Variants in ABLIM1 observed in about 807,000 individuals in gnomAD.
ABLIM1 encodes the protein actin binding LIM protein 1.
A neutral mutation model predicts 107.0 loss-of-function variants in ABLIM1; 40 were observed. The observed-to-expected ratio is 0.37, with a 90% CI of 0.29 to 0.49. The LOEUF is 0.49. Ranked by LOEUF, ABLIM1 falls within the 20% of genes least tolerant of loss-of-function variation. ABLIM1 has a pLI of 0.97. For missense variants in ABLIM1, 857 were observed against 1,008.5 expected (o/e 0.85, Z 2.04); for synonymous variants, 357 against 357.3 (o/e 1.00, Z 0.01).
intron 6 of ABLIM1, among the ~76,000 whole-genome samples, chr10:114,538,159 A>G (rs1360690703): frequency 6.6e-6 from 1 of 152,230 alleles, no homozygotes; most frequent in Non-Finnish European, 1.5e-5. Flanking sequence ...TCACCTCAGA[A>G]ACATCATAAA....
At chr10:114,690,566 A>G in intron 1 of ABLIM1, 1 of 1,073,846 alleles carries the variant, frequency 9.3e-7, no homozygotes, top group Non-Finnish European at 1.5e-6. Flanking sequence ...ACTTGTCTGC[A>G]AACAGCTCAA....
intron 1 of ABLIM1, among the ~76,000 whole-genome samples, chr10:114,680,412 A>G (rs1437769253): frequency 5.3e-5 from 8 of 152,236 alleles, no homozygotes; most frequent in Non-Finnish European, 4.4e-5. Flanking sequence ...ATCATGCTCA[A>G]AAGGAGCATG....
In ABLIM1 at chr10:114,747,409, G is replaced by A. The variant is rs808317; in HGVS notation, c.-213+20652C>T. Among the ~76,000 whole-genome samples, 49 of 152,210 alleles carry A rather than the reference G, an allele frequency of 3.2e-4. 1 individual carries two copies. The South Asian group carries it at 9.7e-3, about 30-fold the overall frequency. The stretch of plus-strand genomic sequence containing the variant: ...ATCTGCTGTGTGTGCCTGTCTCTCC[G>A]CTCTGCTCTATGTGTATACGTGCCC... On this transcript the variant is annotated intron_variant, in intron 1 of 15. Transcript: ENST00000651092.
At chr10:114,465,625 A>G (rs747115825) in intron 12 of ABLIM1, 73 bp downstream of exon 12, 22 of 1,560,328 alleles carry the variant, frequency 1.4e-5, no homozygotes, top group Non-Finnish European at 1.7e-5. Flanking sequence ...TCAATGTGCT[A>G]TCAATAGTAG....
intron 1 of ABLIM1, among the ~76,000 whole-genome samples, chr10:114,692,391 A>G (rs1360217484): frequency 6.6e-6 from 1 of 152,250 alleles, no homozygotes; most frequent in Non-Finnish European, 1.5e-5. Flanking sequence ...TTGCGTCAGC[A>G]AAGGAAGATA....
At chr10:114,471,713 T>C (rs2066611070) in intron 10 of ABLIM1, among the ~76,000 whole-genome samples, 1 of 152,080 alleles carries the variant, frequency 6.6e-6, no homozygotes, top group Non-Finnish European at 1.5e-5. Context: ...AATAATATTA[T>C]ACATCTGGAA....
chr10:114,791,030 T>A, the ABLIM1 span, among the ~76,000 whole-genome samples: 2 of 151,950 alleles, frequency 1.3e-5, no homozygotes, highest in East Asian at 1.9e-4. Flanking sequence ...TTATCCTTTT[T>A]AAAAAAAAAT....
chr10:114,767,597 T>A (rs1456236802), intron 1 of ABLIM1, among the ~76,000 whole-genome samples: 2 of 146,772 alleles, frequency 1.4e-5, no homozygotes, highest in African/African-American at 5.0e-5. Context: ...CAGAGGGGAG[T>A]ACAGGTGGGG....
intron 1 of ABLIM1, among the ~76,000 whole-genome samples, chr10:114,623,022 C>T (rs372282586): frequency 2.9e-4 from 44 of 152,086 alleles, no homozygotes; most frequent in Admixed American, 5.9e-4. Flanking sequence ...GAGTGCATGG[C>T]GATCTCAGCT....
chr10:114,593,030 C>CAGGGAGAAGAGGTT (rs1555193910), intron 2 of ABLIM1, among the ~76,000 whole-genome samples: 1 of 24,760 alleles, frequency 4.0e-5, no homozygotes, highest in African/African-American at 1.8e-4. Context: ...TGAGGTCACT[C>CAGGGAGAAGAGGTT]TGAGTATGGG....
At chr10:114,700,643 A>G (rs2081290327) in intron 1 of ABLIM1, among the ~76,000 whole-genome samples, 1 of 152,140 alleles carries the variant, frequency 6.6e-6, no homozygotes, top group African/African-American at 2.4e-5. Flanking sequence ...ACACTTATAA[A>G]TGATTGACTG....
chr10:114,798,596 G>C, the ABLIM1 span, among the ~76,000 whole-genome samples: 427 of 142,068 alleles, frequency 3.0e-3, 1 homozygote, highest in African/African-American at 0.011. Flanking sequence ...AAAAAAATTA[G>C]CCAGGCATGG....
rs1390336876 is a variant in ABLIM1, at chr10:114,431,662, C to T, written c.*4598G>A. On this transcript the variant is annotated 3_prime_UTR_variant, in exon 23 of 23. Transcript: ENST00000533213. ...TCAAGGTCTACAGGATTGTCTCTGTCCACCTTTGGTCAATGGGTTCAGGAA... is the reference window on the plus strand; with the variant it reads ...TCAAGGTCTACAGGATTGTCTCTGTTCACCTTTGGTCAATGGGTTCAGGAA... 6.6e-6 allele frequency: 1 copy of T among 152,182 alleles called. No individual in the cohort carries two copies. Among genetic ancestry groups the T allele is most frequent in the Non-Finnish European group, 1.5e-5 (1 of 68,046 alleles). The allele number at this position is 152,182 out of a possible 1,614,324, so 9.4% of individuals were successfully genotyped here. A position where few individuals can be genotyped will look rare whatever the true frequency, so the allele number is the denominator to read the frequency against.
At chr10:114,554,536 G>C (rs912327177) in intron 4 of ABLIM1, among the ~76,000 whole-genome samples, 1 of 152,156 alleles carries the variant, frequency 6.6e-6, no homozygotes, top group Non-Finnish European at 1.5e-5. Flanking sequence ...CGTCTCTACA[G>C]AAAATAGAAT....
chr10:114,553,006 A>T (rs1265481886), intron 4 of ABLIM1, among the ~76,000 whole-genome samples: 8 of 152,202 alleles, frequency 5.3e-5, no homozygotes. Flanking sequence ...AGGGGATAGA[A>T]AGTTAAGAGA....
At chr10:114,457,700 T>C (rs2063082253) in intron 12 of ABLIM1, among the ~76,000 whole-genome samples, 1 of 152,250 alleles carries the variant, frequency 6.6e-6, no homozygotes. Flanking sequence ...AGATGAAATA[T>C]CATATTTGGA....
intron 1 of ABLIM1, among the ~76,000 whole-genome samples, chr10:114,718,403 T>C (rs1391497850): frequency 1.3e-5 from 2 of 152,218 alleles, no homozygotes; most frequent in Non-Finnish European, 2.9e-5. Flanking sequence ...AACACCTTCC[T>C]AATCACCTGC....
At chr10:114,644,306 A>AAAAAAAAAAATAT (rs1408072252) in intron 1 of ABLIM1, among the ~76,000 whole-genome samples, 1 of 52,254 alleles carries the variant, frequency 1.9e-5, no homozygotes, top group Non-Finnish European at 3.1e-5. Flanking sequence ...AAAAAAAAAA[A>AAAAAAAAAAATAT]ATATATATAT....
rs139811120 is a variant in ABLIM1, at chr10:114,602,805, G to A, written c.245-844C>T. 4.6e-3 allele frequency among the ~76,000 whole-genome samples: 702 copies of A among 152,312 alleles called. 2 individuals carry two copies. The highest frequency in any genetic ancestry group is 7.7e-3 in the Non-Finnish European group (527 of 68,032). ...ACTAAAAGAATACTCTTAGTTTCCA[G>A]AGTGTGGCCTTCAGAGACTAGAAGT... On this transcript the variant is annotated intron_variant, in intron 1 of 22. Transcript: ENST00000533213.
Sources: allele counts gnomAD v4.1 joint callset (sites outside exome capture counted in the v4.1 genomes callset), GRCh38; gene constraint gnomAD v4.1.1; transcripts MANE v1.5; gene names NCBI Gene and HGNC (gene_info 2026-07-23, HGNC 2026-07-21).